The following SGCZ variants were observed in gnomAD, a reference collection of about 807,000 sequenced individuals.
The protein encoded by SGCZ is sarcoglycan zeta, also known as zeta-sarcoglycan.
Under a neutral mutation model 41.3 loss-of-function variants are expected in SGCZ, and 40 were observed. The observed-to-expected ratio is 0.97, with a 90% CI of 0.75 to 1.26. SGCZ has a LOEUF of 1.26. Ranked by LOEUF, SGCZ falls within the 50% of genes most tolerant of loss-of-function variation. SGCZ has a pLI of 0.00. For missense variants in SGCZ, 552 were observed against 369.8 expected (o/e 1.49, Z -4.04); for synonymous variants, 206 against 137.5 (o/e 1.50, Z -3.49).
At chr8:14,275,387 C>G (rs531272894) in intron 3 of SGCZ, among the ~76,000 whole-genome samples, 3 of 152,126 alleles carry the variant, frequency 2.0e-5, no homozygotes, top group East Asian at 3.9e-4. Flanking sequence ...TAATAATTCA[C>G]GTATTTAATC....
chr8:14,437,155 C>G (rs1455903088), intron 2 of SGCZ, among the ~76,000 whole-genome samples: 1 of 152,184 alleles, frequency 6.6e-6, no homozygotes, highest in East Asian at 1.9e-4. Flanking sequence ...CTGATATTTA[C>G]AAAATTTTTA....
intron 4 of SGCZ, among the ~76,000 whole-genome samples, chr8:14,197,895 A>G (rs1805317367): frequency 1.3e-5 from 2 of 152,080 alleles, no homozygotes; most frequent in South Asian, 4.1e-4. Flanking sequence ...CTGATTCTCT[A>G]AATATAAAAT....
intron 2 of SGCZ, among the ~76,000 whole-genome samples, chr8:14,358,391 T>A: frequency 6.6e-6 from 1 of 152,088 alleles, no homozygotes; most frequent in African/African-American, 2.4e-5. Context: ...ACAAATCATG[T>A]TTTTTCATTA....
chr8:15,117,803 A>C (rs1807328024), intron 1 of SGCZ, among the ~76,000 whole-genome samples: 1 of 152,236 alleles, frequency 6.6e-6, no homozygotes. Context: ...ATAATTGTTA[A>C]CTTGTAACTG....
chr8:14,249,079 G>C (rs77304816), intron 3 of SGCZ, among the ~76,000 whole-genome samples: 1,881 of 152,266 alleles, frequency 0.012, 17 homozygotes, highest in Non-Finnish European at 0.019. Context: ...GAGTAGGTCT[G>C]TGAGAGTGTT....
chr8:14,569,936 G>C (rs1183379877), intron 1 of SGCZ, among the ~76,000 whole-genome samples: 4 of 144,962 alleles, frequency 2.8e-5, no homozygotes, highest in Non-Finnish European at 6.0e-5. Context: ...GAATCTCATG[G>C]GGCACTGGAA....
intron 3 of SGCZ, among the ~76,000 whole-genome samples, chr8:14,323,748 T>A (rs1237726224): frequency 6.6e-6 from 1 of 152,154 alleles, no homozygotes; most frequent in Admixed American, 6.5e-5. Flanking sequence ...TGACTTAAAA[T>A]CATTAATTCA....
intron 1 of SGCZ, among the ~76,000 whole-genome samples, chr8:14,847,125 G>GA (rs1165657791): frequency 3.2e-5 from 2 of 61,754 alleles, no homozygotes; most frequent in Admixed American, 4.2e-4. Context: ...AGAAGAAGAA[G>GA]AAAGAAGAAG....
At chr8:15,114,738 T>C (rs1428023567) in intron 1 of SGCZ, among the ~76,000 whole-genome samples, 2 of 151,384 alleles carry the variant, frequency 1.3e-5, no homozygotes, top group African/African-American at 4.8e-5. Flanking sequence ...GGAATCGAGA[T>C]ACAAGCGTTT....
chr8:14,582,384 T>A (rs1274239114), intron 1 of SGCZ, among the ~76,000 whole-genome samples: 1 of 152,144 alleles, frequency 6.6e-6, no homozygotes, highest in Non-Finnish European at 1.5e-5. Flanking sequence ...AAATGAAGTG[T>A]GTATTTATGC....
intron 1 of SGCZ, among the ~76,000 whole-genome samples, chr8:15,000,014 T>C (rs1044294907): frequency 4.6e-5 from 7 of 152,020 alleles, no homozygotes; most frequent in African/African-American, 1.2e-4. Flanking sequence ...GCAGATAAGG[T>C]ATTAAAAGAG....
chr8:14,670,628 A>T (rs1808072204), intron 1 of SGCZ, among the ~76,000 whole-genome samples: 1 of 152,196 alleles, frequency 6.6e-6, no homozygotes, highest in South Asian at 2.1e-4. Flanking sequence ...CACTTAGTAC[A>T]TTTAAATTGG....
chr8:14,200,858 T>A (rs1434259204), intron 4 of SGCZ, among the ~76,000 whole-genome samples: 1 of 152,120 alleles, frequency 6.6e-6, no homozygotes, highest in African/African-American at 2.4e-5. Flanking sequence ...TGAAGATACG[T>A]CACAGAGCAG....
At chr8:14,098,085 C>G (rs1448718980) in intron 7 of SGCZ, among the ~76,000 whole-genome samples, 1 of 152,002 alleles carries the variant, frequency 6.6e-6, no homozygotes, top group Non-Finnish European at 1.5e-5. Flanking sequence ...CATGTTTAAC[C>G]CTGTAGATAC....
intron 4 of SGCZ, among the ~76,000 whole-genome samples, chr8:14,215,582 T>A (rs1019610468): frequency 3.3e-5 from 5 of 150,856 alleles, no homozygotes; most frequent in Admixed American, 1.3e-4. Context: ...TTGAAAAAAA[T>A]TTAAGCCATT....
intron 2 of SGCZ, among the ~76,000 whole-genome samples, chr8:14,381,028 A>G (rs1804341830): frequency 6.6e-6 from 1 of 152,162 alleles, no homozygotes; most frequent in Non-Finnish European, 1.5e-5. Flanking sequence ...TCCACCCTTA[A>G]CTAGGGTCAA....
chr8:14,200,891 A>G (rs1467868781), intron 4 of SGCZ, among the ~76,000 whole-genome samples: 5 of 152,180 alleles, frequency 3.3e-5, no homozygotes, highest in African/African-American at 1.2e-4. Flanking sequence ...GCAGAATTAC[A>G]TATCTGATAA....
At chr8:15,232,393 C>T (rs1228507196) in intron 1 of SGCZ, among the ~76,000 whole-genome samples, 1 of 151,994 alleles carries the variant, frequency 6.6e-6, no homozygotes, top group African/African-American at 2.4e-5. Flanking sequence ...ACTGTAATAG[C>T]CAGTATGTAG....
At chr8:15,156,819 C>G (rs1799343279) in intron 1 of SGCZ, among the ~76,000 whole-genome samples, 1 of 151,738 alleles carries the variant, frequency 6.6e-6, no homozygotes, top group Non-Finnish European at 1.5e-5. Flanking sequence ...TGGTGGATGC[C>G]TTGTAATCCC....
Sources: gnomAD v4.1 joint callset for allele counts (sites outside exome capture counted in the v4.1 genomes callset) on GRCh38, gnomAD v4.1.1 for gene constraint, MANE v1.5 for transcripts, NCBI Gene and HGNC (gene_info 2026-07-23, HGNC 2026-07-21) for gene names.